The following ARHGEF1 variants were observed in gnomAD, a reference collection of about 807,000 sequenced individuals.
ARHGEF1 encodes 115 kDa guanine nucleotide exchange factor.
Under a neutral mutation model 119.7 loss-of-function variants are expected in ARHGEF1, and 40 were observed. The observed-to-expected ratio is 0.33, with a 90% CI of 0.26 to 0.44. The LOEUF is 0.44. Ranked by LOEUF, ARHGEF1 falls within the 20% of genes least tolerant of loss-of-function variation. The pLI is 1.00. For synonymous variants in ARHGEF1, 494 were observed against 521.0 expected (o/e 0.95, Z 0.71); for missense variants, 976 against 1,268.3 (o/e 0.77, Z 3.50).
At position 41,907,301 on chromosome 19, in the gene ARHGEF1, CAG is replaced by C. The variant is rs2074718189; in HGVS notation, c.*215_*216del. 2.6e-6 allele frequency: 4 copies of C among 1,532,568 alleles called. No homozygotes were observed. Among genetic ancestry groups the C allele is most frequent in the Admixed American group, 2.0e-5 (1 of 50,506 alleles). 94.9% of individuals were successfully genotyped at this position (1,532,568 alleles called of 1,614,324 possible). ...CCTCCTGCCCTCTGCTTGGGGGACT[CAG>C]GGCTCCATTCTGGAGGGCACCACGG... On this transcript the variant is annotated 3_prime_UTR_variant, in exon 29 of 29. Coordinates refer to ENST00000354532, the MANE Select transcript of ARHGEF1 (RefSeq NM_004706.4).
intron 4 of ARHGEF1, chr19:41,890,497 T>C (rs1198790071): frequency 6.6e-6 from 1 of 151,128 alleles, no homozygotes. Flanking sequence ...AATATGAAAA[T>C]TGGCCAGGCG....
In ARHGEF1 at chr19:41,923,865, AG is replaced by A. The variant is rs1462932154; in HGVS notation, c.140+637del. Among the ~76,000 whole-genome samples, 10 of 22,902 alleles carry A rather than the reference AG, an allele frequency of 4.4e-4. No individual in the cohort carries two copies. In the South Asian group the frequency reaches 0.036, roughly 82 times the overall value. 15.0% of individuals were successfully genotyped at this position (22,902 alleles called of 152,430 possible). On this transcript the variant is annotated intron_variant, in intron 1 of 2. Coordinates refer to the ARHGEF1 transcript ENST00000594417. ...TCTGGGGAGGCAGGGGTGTGCTGGG[AG>A]GGGGCTGTGCTGGGGGGTGGTAGGG...
chr19:41,926,704 G>C (rs1249228716), intron 1 of ARHGEF1, among the ~76,000 whole-genome samples: 1 of 150,672 alleles, frequency 6.6e-6, no homozygotes, highest in Non-Finnish European at 1.5e-5. Context: ...GGGCCGCGGC[G>C]GCCGGCCGGG....
intron 13 of ARHGEF1, chr19:41,897,248 T>C: frequency 7.8e-7 from 1 of 1,278,834 alleles, no homozygotes; most frequent in South Asian, 1.2e-5. Context: ...GACCCTTTGG[T>C]GGGTGCGGGG....
At chr19:41,899,874 G>T (rs1346443848) in intron 14 of ARHGEF1, among the ~76,000 whole-genome samples, 2 of 151,434 alleles carry the variant, frequency 1.3e-5, no homozygotes, top group Non-Finnish European at 2.9e-5. Flanking sequence ...AATTTTAGGG[G>T]AGTAGTTGAG....
At position 41,903,274 on chromosome 19, in the gene ARHGEF1, GT is replaced by G; in HGVS notation, c.1739-31del. On this transcript the variant is annotated intron_variant, in intron 18 of 28. Transcript: ENST00000354532. The surrounding 1 kb of genome is among the most constrained non-coding windows in gnomAD (Gnocchi z 4.2). ...CCAATCTGGAGCCTCCAGGGCAGGG[GT>G]TCACCAGAGCTGCTCTCTCCCTTGC... 6.2e-7 allele frequency: 1 copy of G among 1,602,694 alleles called. No homozygotes were observed. The highest frequency in any genetic ancestry group is 1.7e-5 in the Admixed American group (1 of 59,884).
At chr19:41,914,171 A>C (rs1244958472) in intron 18 of ARHGEF1, among the ~76,000 whole-genome samples, 66 of 68,074 alleles carry the variant, frequency 9.7e-4, no homozygotes, top group African/African-American at 1.1e-3. Context: ...AGATGCCCCC[A>C]CCTCCCATCT....
At chr19:41,886,352 A>C (rs1555845249) in intron 1 of ARHGEF1, among the ~76,000 whole-genome samples, 1 of 152,242 alleles carries the variant, frequency 6.6e-6, no homozygotes, top group East Asian at 1.9e-4. Flanking sequence ...ACTTGCAAAG[A>C]TAATGAGTAT....
chr19:41,918,279 C>G (rs547494580), upstream of ARHGEF1, among the ~76,000 whole-genome samples: 3 of 151,424 alleles, frequency 2.0e-5, no homozygotes, highest in South Asian at 6.2e-4. Context: ...CACACACATA[C>G]CCACCACATA....
rs200674888 is a variant in ARHGEF1, at chr19:41,902,489, C to T, written c.1498-44C>T. 5.5e-5 allele frequency: 89 copies of T among 1,613,086 alleles called. 1 individual carries two copies. In the Middle Eastern group the frequency reaches 1.5e-3, roughly 27 times the overall value. ...TGTCGTACTTTAGTCCCTGTTCTTG[C>T]CCATCCCCACTGAGACACCTGCCTG... On this transcript the variant is annotated intron_variant, in intron 16 of 28. Coordinates refer to ENST00000354532, the MANE Select transcript of ARHGEF1 (RefSeq NM_004706.4). The surrounding 1 kb of genome is among the most constrained non-coding windows in gnomAD (Gnocchi z 6.5).
At chr19:41,926,567 CG>C (rs1458208576) in intron 1 of ARHGEF1, among the ~76,000 whole-genome samples, 2 of 152,132 alleles carry the variant, frequency 1.3e-5, no homozygotes, top group Non-Finnish European at 2.9e-5. Context: ...TTCTGGCTCT[CG>C]GGTCCCTCCC....
Position 41,888,232 on chromosome 19 carries a change from G to T in ARHGEF1, c.65G>T (p.Ser22Ile). 6.2e-7 allele frequency: 1 copy of T among 1,614,110 alleles called. No homozygotes were observed. The highest frequency in any genetic ancestry group is 8.5e-7 in the Non-Finnish European group (1 of 1,180,016). The change falls in exon 3 of 29, where the codon AGC (serine) becomes ATC (isoleucine). Residue 22 changes from serine (S) to isoleucine (I), a missense_variant. By Grantham distance (142) the Ser-to-Ile change is moderately radical. Transcript: ENST00000354532. This position sits in a 1 kb window ranked among gnomAD's most constrained non-coding sequence, Gnocchi z 5.1. ...TCCCGGCCTGGCCTGGTTCCCGTCA[G>T]CATCATCGGGGCTGAGGATGAGGAT... is the stretch of plus-strand genomic sequence containing the variant. ...GPSRPGLVPV[S>I]IIGAEDEDFE...
At chr19:41,887,027 G>C (rs1317532915) in intron 1 of ARHGEF1, among the ~76,000 whole-genome samples, 2 of 152,186 alleles carry the variant, frequency 1.3e-5, no homozygotes, top group African/African-American at 4.8e-5. Context: ...AGAGATGGGG[G>C]AGAAAAAGGG....
At chr19:41,918,231 A>T (rs1404988351), upstream of ARHGEF1, among the ~76,000 whole-genome samples, 2 of 151,596 alleles carry the variant, frequency 1.3e-5, no homozygotes, top group African/African-American at 4.9e-5. Context: ...CATACCACAT[A>T]TACACACCAC....
chr19:41,893,067 T>C, intron 7 of ARHGEF1: 2 of 1,019,886 alleles, frequency 2.0e-6, no homozygotes, highest in South Asian at 1.8e-5. Context: ...CTGGGTCTTG[T>C]CCATGATCTG....
At chr19:41,909,158 G>C, downstream of ARHGEF1, 4 of 1,231,908 alleles carry the variant, frequency 3.2e-6, no homozygotes, top group Non-Finnish European at 4.0e-6. This position sits in a 1 kb window ranked among gnomAD's most constrained non-coding sequence, Gnocchi z 5.2. Flanking sequence ...GCGTGGGGCA[G>C]AGAACAGGGT....
intron 18 of ARHGEF1, among the ~76,000 whole-genome samples, chr19:41,913,862 C>G (rs971684488): frequency 3.3e-5 from 5 of 151,014 alleles, no homozygotes; most frequent in Non-Finnish European, 7.4e-5. Context: ...ACGCTGCCCT[C>G]GCGCTCCCGA....
At chr19:41,897,996 G>C (rs565396413) in intron 13 of ARHGEF1, 1 of 1,325,022 alleles carries the variant, frequency 7.5e-7, no homozygotes, top group Non-Finnish European at 9.6e-7. Flanking sequence ...AGTGACCGCC[G>C]CCGGCCTTCC....
intron 1 of ARHGEF1, among the ~76,000 whole-genome samples, chr19:41,926,912 C>T (rs1174161092): frequency 1.3e-5 from 2 of 151,704 alleles, no homozygotes; most frequent in South Asian, 2.1e-4. Flanking sequence ...CTGGGAGAGA[C>T]AGAGACAGAG....
Sources: allele counts gnomAD v4.1 joint callset (sites outside exome capture counted in the v4.1 genomes callset), GRCh38; gene constraint gnomAD v4.1.1; non-coding constraint Gnocchi (gnomAD v3.1); transcripts MANE v1.5; gene names NCBI Gene and HGNC (gene_info 2026-07-23, HGNC 2026-07-21).